The following MEGF8 variants were observed in gnomAD, a reference collection of about 807,000 sequenced individuals.
MEGF8 encodes the protein multiple epidermal growth factor-like domains protein 8.
Under a neutral mutation model 302.9 loss-of-function variants are expected in MEGF8, and 156 were observed. That is an observed-to-expected ratio of 0.52 (90% CI 0.45 to 0.59). The LOEUF is 0.59. MEGF8 is among the 20% of genes least tolerant of loss of function. The pLI, the probability that MEGF8 is intolerant of heterozygous loss-of-function variation, is 0.00. For missense variants in MEGF8, 3,345 were observed against 3,964.5 expected (o/e 0.84, Z 4.20); for synonymous variants, 1,621 against 1,660.5 (o/e 0.98, Z 0.58).
intron 32 of MEGF8, among the ~76,000 whole-genome samples, chr19:42,361,889 G>T (rs889178044): frequency 3.3e-5 from 5 of 152,176 alleles, no homozygotes; most frequent in African/African-American, 1.2e-4. Context: ...AGGACCTGGG[G>T]TGTGGTCCAG....
At chr19:42,349,353 C>T (rs2039335788) in intron 13 of MEGF8, 146 bp from the exon 14 acceptor site, 1 of 641,504 alleles carries the variant, frequency 1.6e-6, no homozygotes, top group Non-Finnish European at 2.6e-6. Flanking sequence ...GGGGGTCTCA[C>T]CTCTGAGGTT....
At position 42,360,975 on chromosome 19, in the gene MEGF8, G is replaced by A. The variant is rs1262506920; in HGVS notation, c.5689G>A (p.Gly1897Arg). Reference protein sequence around the residue: ...NQSGACTWCHGACLSGDQAHR... With the variant: ...NQSGACTWCHRACLSGDQAHR... ...GTCTGGGGCCTGCACCTGGTGCCAT[G>A]GGGCCTGCTTGTCCGGGGATCAGGC... The change falls in exon 32 of 42, where the codon GGG becomes AGG. Residue 1897 changes from glycine to arginine, a missense_variant. Gly to Arg is a moderately radical substitution (Grantham distance 125). Transcript: ENST00000251268. 6.4e-7 allele frequency: 1 copy of A among 1,572,214 alleles called. No individual in the cohort carries two copies. The highest frequency in any genetic ancestry group is 1.2e-5 in the South Asian group (1 of 86,032).
rs2039557246 is a variant in MEGF8 at position 42,363,104 on chromosome 19, C to G, written c.6115C>G (p.His2039Asp). The G allele has an allele frequency of 6.2e-7, 1 of 1,613,304 alleles. No homozygotes were observed. The highest frequency in any genetic ancestry group is 1.3e-5 in the African/African-American group (1 of 74,856). The change falls in exon 35 of 42, where the codon CAC becomes GAC. Residue 2039 changes from histidine to aspartate, a missense_variant. His to Asp is a moderately conservative substitution (Grantham distance 81). Transcript: ENST00000251268. ...QPTYDWTCFS[H>D]SLLNVSPMPV... Reference sequence around the variant, plus strand: ...CACCTATGACTGGACGTGCTTCAGCCACTCTCTGCTGAATGTGTCCCCCAT... The same window carrying G: ...CACCTATGACTGGACGTGCTTCAGCGACTCTCTGCTGAATGTGTCCCCCAT...
At chr19:42,338,420 T>G (rs536061111) in intron 8 of MEGF8, among the ~76,000 whole-genome samples, 2 of 152,114 alleles carry the variant, frequency 1.3e-5, no homozygotes, top group Admixed American at 1.3e-4. Flanking sequence ...TTTTGTATTT[T>G]TAGTAGAGAC....
chr19:42,348,373 G>C lies in MEGF8; in HGVS notation c.2199G>C (p.Gly733=), dbSNP rs1230377146. ...TCATCTACCCAATGCTGCCTGGAGG[G>C]CCAGGTGGACCAGGGGCTGAGGACG... is the stretch of plus-strand genomic sequence containing the variant. ...RGFIYPMLPG[G]PGGPGAEDVA... is the part of the protein sequence containing the mutation. Residue 733 remains glycine (G), a synonymous_variant, in exon 13 of 42, where the codon GGG becomes GGC. Coordinates refer to ENST00000251268, the MANE Select transcript of MEGF8 (RefSeq NM_001271938.2). The C allele has an allele frequency of 1.3e-6, 2 of 1,537,274 alleles. No individual in the cohort carries two copies. The highest frequency in any genetic ancestry group is 1.7e-6 in the Non-Finnish European group (2 of 1,146,926).
intron 8 of MEGF8, among the ~76,000 whole-genome samples, chr19:42,340,402 G>A (rs971232343): frequency 2.6e-4 from 39 of 152,108 alleles, no homozygotes; most frequent in African/African-American, 8.7e-4. Flanking sequence ...GCTAATTTTT[G>A]TATTTTTAGT....
chr19:42,374,487 A>G (rs1031648989), intron 41 of MEGF8, among the ~76,000 whole-genome samples: 1 of 151,708 alleles, frequency 6.6e-6, no homozygotes, highest in African/African-American at 2.4e-5. Context: ...AAAAAAAAAA[A>G]AAAAAGTCTC....
rs1333678442 is a variant in MEGF8 at position 42,343,595 on chromosome 19, G to A, written c.1632G>A (p.Lys544=). Residue 544 remains lysine, a synonymous_variant, in exon 9 of 42, where the codon AAG becomes AAA. Transcript: ENST00000251268. ...GRPRGDLMAY[K]VPPFVFQAPA... ...CCCGTGGGGACTTGATGGCGTACAA[G>A]GTGCCCCCCTTTGTGTTCCAGGCAC... 1 of 1,612,136 alleles carries A rather than the reference G, an allele frequency of 6.2e-7. No individual in the cohort carries two copies. Among genetic ancestry groups the A allele is most frequent in the African/African-American group, 1.3e-5 (1 of 74,894 alleles).
intron 41 of MEGF8, among the ~76,000 whole-genome samples, 157 bp downstream of exon 41, chr19:42,371,639 T>C (rs540511470): frequency 6.6e-6 from 1 of 152,262 alleles, no homozygotes; most frequent in South Asian, 2.1e-4. Context: ...CTGAGCCCCA[T>C]TCAGTTACAG....
At chr19:42,373,465 A>G (rs902374123) in intron 41 of MEGF8, among the ~76,000 whole-genome samples, 1 of 151,748 alleles carries the variant, frequency 6.6e-6, no homozygotes, top group Non-Finnish European at 1.5e-5. Context: ...CAGTGGTGCA[A>G]TCTCAGCTCA....
At chr19:42,361,462 T>C (rs1337590334) in intron 32 of MEGF8, among the ~76,000 whole-genome samples, 2 of 152,244 alleles carry the variant, frequency 1.3e-5, no homozygotes, top group East Asian at 3.8e-4. Context: ...CTCACTGATA[T>C]GAGGCTATTA....
In MEGF8 at chr19:42,352,580, G is replaced by GT; in HGVS notation, c.3350+129dup. 7.7e-7 allele frequency: 1 copy of GT among 1,295,650 alleles called. No homozygotes were observed. Among genetic ancestry groups the GT allele is most frequent in the Non-Finnish European group, 1.0e-6 (1 of 959,236 alleles). 80.3% of individuals were successfully genotyped at this position (1,295,650 alleles called of 1,614,324 possible). A position where few individuals can be genotyped will look rare whatever the true frequency, so the allele number is the denominator to read the frequency against. ...AACCAGCATCCCCAGTTAGCCAGGG[G>GT]TTTTTACCTTGCACACTAGGTCCTT... On this transcript the variant is annotated intron_variant, in intron 19 of 41. Coordinates refer to ENST00000251268, the MANE Select transcript of MEGF8 (RefSeq NM_001271938.2). This position sits in a 1 kb window ranked among gnomAD's most constrained non-coding sequence, Gnocchi z 4.4.
rs978485362 is a variant in MEGF8 at position 42,335,379 on chromosome 19, T to C, written c.822T>C (p.Pro274=). 3.1e-6 allele frequency: 5 copies of C among 1,613,944 alleles called. No homozygotes were observed. The highest frequency in any genetic ancestry group is 3.4e-6 in the Non-Finnish European group (4 of 1,179,804). ...ANTWESWDLS[P]APAARHSHVA... ...CCTGGGAGTCTTGGGACCTGAGTCC[T>C]GCCCCGGTATGGACCCCTCCTCTGC... The change falls in exon 5 of 42, where the codon CCT becomes CCC. Residue 274 remains proline (P), a synonymous_variant. Transcript: ENST00000251268.
intron 1 of MEGF8, among the ~76,000 whole-genome samples, chr19:42,327,517 A>G (rs1415800618): frequency 6.6e-6 from 1 of 152,182 alleles, no homozygotes; most frequent in Non-Finnish European, 1.5e-5. Flanking sequence ...AGTGGGAGGA[A>G]AGGCCCCAGC....
Position 42,369,421 on chromosome 19 carries a change from G to A in MEGF8, c.6642-110G>A. On this transcript the variant is annotated intron_variant, in intron 37 of 41. Coordinates refer to ENST00000251268, the MANE Select transcript of MEGF8 (RefSeq NM_001271938.2). The surrounding 1 kb of genome is among the most constrained non-coding windows in gnomAD (Gnocchi z 5.7). ...GAAGAGAAGATAGCAACGGGACAGAGCAGGGATGAGCAACCAGTTGAGAAG... is the reference window on the plus strand; with the variant it reads ...GAAGAGAAGATAGCAACGGGACAGAACAGGGATGAGCAACCAGTTGAGAAG... The A allele has an allele frequency of 1.8e-6, 2 of 1,125,128 alleles. No individual in the cohort carries two copies. Among genetic ancestry groups the A allele is most frequent in the Non-Finnish European group, 2.5e-6 (2 of 786,040 alleles). The allele number at this position is 1,125,128 out of a possible 1,614,324, so 69.7% of individuals were successfully genotyped here. A position where few individuals can be genotyped will look rare whatever the true frequency, so the allele number is the denominator to read the frequency against.
chr19:42,338,153 T>C (rs1404811245), intron 8 of MEGF8, among the ~76,000 whole-genome samples: 6 of 152,202 alleles, frequency 3.9e-5, no homozygotes, highest in African/African-American at 1.4e-4. Flanking sequence ...AGGTTTATTA[T>C]ATAGGTAAAT....
chr19:42,335,628 C>T (rs1013044538), intron 5 of MEGF8, among the ~76,000 whole-genome samples: 6 of 152,100 alleles, frequency 3.9e-5, no homozygotes, highest in Admixed American at 6.6e-5. Flanking sequence ...TCTCTGTTTT[C>T]GTCTGTCTGA....
chr19:42,342,115 C>T lies in MEGF8; in HGVS notation c.1514-1362C>T, dbSNP rs1600029027. 2.0e-5 allele frequency among the ~76,000 whole-genome samples: 3 copies of T among 152,184 alleles called. No individual in the cohort carries two copies. The South Asian group carries it at 6.2e-4, about 31-fold the overall frequency. ...TGTCTGAGGCCCTCATTCTAGGTCT[C>T]GTCTGCCTATCCCTTGGTCCCCTTC... On this transcript the variant is annotated intron_variant, in intron 8 of 41. Transcript: ENST00000251268.
At chr19:42,349,761 T>G in intron 14 of MEGF8, 62 bp downstream of exon 14, 1 of 1,535,614 alleles carries the variant, frequency 6.5e-7, no homozygotes, top group Non-Finnish European at 8.9e-7. Flanking sequence ...TCACCTGGGC[T>G]TTCTGAACCC....
Sources: gnomAD v4.1 joint callset for allele counts (sites outside exome capture counted in the v4.1 genomes callset) on GRCh38, gnomAD v4.1.1 for gene constraint, Gnocchi (gnomAD v3.1) non-coding constraint, MANE v1.5 for transcripts, NCBI Gene and HGNC (gene_info 2026-07-23, HGNC 2026-07-21) for gene names.